KHDRBS2: variants seen among roughly 807,000 people sequenced by gnomAD.
KHDRBS2 encodes KH domain-containing, RNA-binding, signal transduction-associated protein 2.
KHDRBS2 carries 26 observed loss-of-function variants against 44.3 expected under a neutral mutation model. The ratio of observed to expected loss-of-function variants is 0.59; its 90% CI spans 0.43 to 0.81. KHDRBS2 has a LOEUF of 0.81. Among genes scored for constraint, KHDRBS2 ranks in the 40% least tolerant of loss-of-function variants. The probability of loss-of-function intolerance (pLI) is 0.00; values close to 1 mark genes in which losing one functional copy is unlikely to be tolerated. For synonymous variants in KHDRBS2, 194 were observed against 151.1 expected (o/e 1.28, Z -2.08); for missense variants, 476 against 433.1 (o/e 1.10, Z -0.88).
At chr6:62,065,391 C>A (rs1468193427) in intron 2 of KHDRBS2, among the ~76,000 whole-genome samples, 3 of 151,530 alleles carry the variant, frequency 2.0e-5, no homozygotes, top group Non-Finnish European at 4.4e-5. Flanking sequence ...CCCAAATGTC[C>A]AACAATGATA....
At chr6:61,915,881 G>T (rs1374416206) in intron 4 of KHDRBS2, among the ~76,000 whole-genome samples, 1 of 151,900 alleles carries the variant, frequency 6.6e-6, no homozygotes, top group East Asian at 1.9e-4. Context: ...CAGGCATTTA[G>T]CAAACCACAA....
In KHDRBS2 at chr6:61,842,816, C is replaced by G. The variant is rs371163037; in HGVS notation, c.810+51819G>C. Among the ~76,000 whole-genome samples the G allele has an allele frequency of 1.3e-4, 19 of 151,988 alleles. No homozygotes were observed. In the East Asian group the frequency reaches 1.9e-3, roughly 15 times the overall value. On this transcript the variant is annotated intron_variant, in intron 6 of 8. Transcript: ENST00000281156. ...ATAGCAGCCAAAAAGTGAAAATAACCCAAATGTCCATTAACTGATGAATGC... is the reference window on the plus strand; with the variant it reads ...ATAGCAGCCAAAAAGTGAAAATAACGCAAATGTCCATTAACTGATGAATGC...
intron 6 of KHDRBS2, among the ~76,000 whole-genome samples, chr6:61,777,177 C>G (rs1008495057): frequency 6.6e-6 from 1 of 151,946 alleles, no homozygotes; most frequent in Non-Finnish European, 1.5e-5. Context: ...TTAGGAGATA[C>G]ACCTAATGCT....
the KHDRBS2 span, among the ~76,000 whole-genome samples, chr6:61,563,890 C>T: frequency 6.6e-6 from 1 of 152,080 alleles, no homozygotes; most frequent in Non-Finnish European, 1.5e-5. Context: ...ATAAAGTTTG[C>T]TTCTCCATTA....
chr6:62,217,437 C>T (rs1340174798), intron 1 of KHDRBS2, among the ~76,000 whole-genome samples: 3 of 151,846 alleles, frequency 2.0e-5, no homozygotes, highest in African/African-American at 7.2e-5. Flanking sequence ...TTACTGTGGA[C>T]TTACTAAATT....
chr6:62,149,631 T>A (rs1814669010), intron 2 of KHDRBS2, among the ~76,000 whole-genome samples: 1 of 151,672 alleles, frequency 6.6e-6, no homozygotes, highest in Admixed American at 6.6e-5. Flanking sequence ...ATTAAATAGG[T>A]TAACTTCTGA....
chr6:61,734,098 C>T (rs759371656), intron 6 of KHDRBS2, among the ~76,000 whole-genome samples: 1 of 152,134 alleles, frequency 6.6e-6, no homozygotes, highest in Non-Finnish European at 1.5e-5. Flanking sequence ...TAAGAAACTT[C>T]TAAAAATTTT....
At chr6:62,080,167 T>C (rs1797120552) in intron 2 of KHDRBS2, among the ~76,000 whole-genome samples, 1 of 152,094 alleles carries the variant, frequency 6.6e-6, no homozygotes, top group South Asian at 2.1e-4. Flanking sequence ...CCTAAGGCAG[T>C]TTCTTGTTGC....
intron 2 of KHDRBS2, among the ~76,000 whole-genome samples, chr6:62,154,841 A>T (rs1378843635): frequency 6.6e-6 from 1 of 152,224 alleles, no homozygotes; most frequent in African/African-American, 2.4e-5. Flanking sequence ...CTCATGCCAC[A>T]ATTAAACCAA....
At chr6:62,159,519 C>T (rs1482015863) in intron 2 of KHDRBS2, among the ~76,000 whole-genome samples, 1 of 152,068 alleles carries the variant, frequency 6.6e-6, no homozygotes, top group Non-Finnish European at 1.5e-5. Context: ...AGTAACTGTG[C>T]TTCCATAAGT....
chr6:61,555,834 C>T, the KHDRBS2 span, among the ~76,000 whole-genome samples: 138 of 152,240 alleles, frequency 9.1e-4, no homozygotes, highest in African/African-American at 3.2e-3. Context: ...AACTTGGGGG[C>T]CTGTTATCTG....
the KHDRBS2 span, among the ~76,000 whole-genome samples, chr6:61,620,021 G>C: frequency 6.6e-6 from 1 of 151,980 alleles, no homozygotes; most frequent in Admixed American, 6.6e-5. Context: ...TAAAAATATA[G>C]TTATGGATCA....
intron 3 of KHDRBS2, among the ~76,000 whole-genome samples, chr6:62,005,947 A>G (rs1189908997): frequency 6.6e-6 from 1 of 152,020 alleles, no homozygotes; most frequent in Non-Finnish European, 1.5e-5. Flanking sequence ...CAACACAGAG[A>G]TACAAGGAGA....
intron 1 of KHDRBS2, among the ~76,000 whole-genome samples, chr6:62,201,243 A>T (rs529856165): frequency 3.3e-5 from 5 of 151,936 alleles, no homozygotes; most frequent in Admixed American, 1.3e-4. Context: ...ATTAAAAAAA[A>T]TTTTAGAGTA....
intron 2 of KHDRBS2, among the ~76,000 whole-genome samples, chr6:62,106,653 A>C (rs897292677): frequency 1.1e-4 from 17 of 152,132 alleles, no homozygotes; most frequent in Non-Finnish European, 2.2e-4. Flanking sequence ...GAGACATTTT[A>C]GACCAATATC....
intron 3 of KHDRBS2, among the ~76,000 whole-genome samples, chr6:61,992,954 G>A (rs867307717): frequency 1.6e-4 from 24 of 152,150 alleles, no homozygotes; most frequent in East Asian, 3.9e-4. Flanking sequence ...AAGAGACGGC[G>A]TATATGGGAG....
chr6:62,146,117 G>T (rs1813878991), intron 2 of KHDRBS2, among the ~76,000 whole-genome samples: 1 of 151,812 alleles, frequency 6.6e-6, no homozygotes, highest in Admixed American at 6.6e-5. Flanking sequence ...TGTCTTCAGA[G>T]ATTTCATTTA....
the KHDRBS2 span, among the ~76,000 whole-genome samples, chr6:61,545,143 G>T: frequency 6.6e-6 from 1 of 151,920 alleles, no homozygotes; most frequent in Non-Finnish European, 1.5e-5. Flanking sequence ...TGTTTTGTCT[G>T]GCTTAAGAAG....
intron 3 of KHDRBS2, among the ~76,000 whole-genome samples, chr6:61,988,154 C>A (rs1297415517): frequency 6.6e-6 from 1 of 152,120 alleles, no homozygotes; most frequent in Non-Finnish European, 1.5e-5. Context: ...ATACTCTAGG[C>A]TATATCAAGG....
Sources: allele counts gnomAD v4.1 joint callset (sites outside exome capture counted in the v4.1 genomes callset), GRCh38; gene constraint gnomAD v4.1.1; transcripts MANE v1.5; gene names NCBI Gene and HGNC (gene_info 2026-07-23, HGNC 2026-07-21).